The following CTNNA2 variants were observed in gnomAD, a reference collection of about 807,000 sequenced individuals.
CTNNA2 encodes catenin alpha-2.
Under a neutral mutation model 101.0 loss-of-function variants are expected in CTNNA2, and 42 were observed. The observed-to-expected ratio is 0.42, with a 90% CI of 0.32 to 0.54. The LOEUF is 0.54. Ranked by LOEUF, CTNNA2 falls within the 20% of genes least tolerant of loss-of-function variation. The pLI is 0.14. For synonymous variants in CTNNA2, 450 were observed against 456.4 expected, an observed-to-expected ratio of 0.99 and a Z score of 0.18; for missense variants, 871 against 1,223.1, an observed-to-expected ratio of 0.71 and a Z score of 4.29.
intron 2 of CTNNA2, among the ~76,000 whole-genome samples, chr2:79,689,643 C>A (rs77380030): frequency 6.6e-6 from 1 of 151,410 alleles, no homozygotes; most frequent in Non-Finnish European, 1.5e-5. Context: ...AAAAAGCAAA[C>A]CACAAAAGAT....
chr2:79,458,616 TAAC>T, intron 4 of CTNNA2, among the ~76,000 whole-genome samples: 1 of 152,314 alleles, frequency 6.6e-6, no homozygotes, highest in Admixed American at 6.5e-5. Context: ...TCTCTGTACT[TAAC>T]AAGGTGAAGA....
intron 4 of CTNNA2, among the ~76,000 whole-genome samples, chr2:79,485,111 G>C (rs1051353719): frequency 4.0e-5 from 6 of 151,862 alleles, no homozygotes; most frequent in Non-Finnish European, 8.8e-5. Flanking sequence ...CAGACCAAAT[G>C]GTTAATGGTT....
chr2:79,543,351 T>C (rs899406686), intron 1 of CTNNA2, among the ~76,000 whole-genome samples: 2 of 152,174 alleles, frequency 1.3e-5, no homozygotes, highest in African/African-American at 4.8e-5. Flanking sequence ...AAATGTGAAA[T>C]CAAGTTATTA....
intron 2 of CTNNA2, among the ~76,000 whole-genome samples, chr2:79,300,333 C>A (rs571041546): frequency 1.3e-5 from 2 of 152,256 alleles, no homozygotes; most frequent in East Asian, 1.9e-4. Context: ...TCCTCCATTT[C>A]TTTTCATGGC....
At chr2:80,012,880 C>G (rs1477279774) in intron 7 of CTNNA2, among the ~76,000 whole-genome samples, 1 of 152,160 alleles carries the variant, frequency 6.6e-6, no homozygotes, top group Non-Finnish European at 1.5e-5. Context: ...TTAAAACATT[C>G]TCGACGAGGC....
chr2:80,611,071 A>G (rs1698431327), intron 17 of CTNNA2, among the ~76,000 whole-genome samples: 2 of 151,542 alleles, frequency 1.3e-5, no homozygotes, highest in Non-Finnish European at 1.5e-5. Flanking sequence ...TTAAATCTCA[A>G]AGTAGAAAAT....
At chr2:80,014,365 T>C (rs1693991696) in intron 7 of CTNNA2, among the ~76,000 whole-genome samples, 1 of 148,474 alleles carries the variant, frequency 6.7e-6, no homozygotes, top group Non-Finnish European at 1.5e-5. Flanking sequence ...AGAAGTTTCA[T>C]GAAAAAGTGT....
At chr2:80,043,121 CCTTCCTTCCTT>C (rs1558755325) in intron 7 of CTNNA2, among the ~76,000 whole-genome samples, 5 of 16,964 alleles carry the variant, frequency 2.9e-4, no homozygotes, top group Non-Finnish European at 2.4e-4. Flanking sequence ...CTTTCTTTCT[CCTTCCTTCCTT>C]CCTTCCTTCC....
intron 3 of CTNNA2, among the ~76,000 whole-genome samples, chr2:79,792,635 G>T (rs1184304255): frequency 6.6e-6 from 1 of 152,106 alleles, no homozygotes; most frequent in East Asian, 1.9e-4. Context: ...AGCTTGTGAA[G>T]TTTGGAAATA....
intron 7 of CTNNA2, among the ~76,000 whole-genome samples, chr2:79,913,457 G>T (rs1270296976): frequency 1.3e-5 from 2 of 152,124 alleles, no homozygotes; most frequent in Non-Finnish European, 2.9e-5. Context: ...AGGGTGTGGT[G>T]AACCATTATA....
At chr2:80,522,414 A>G (rs1388902505) in intron 9 of CTNNA2, among the ~76,000 whole-genome samples, 1 of 152,230 alleles carries the variant, frequency 6.6e-6, no homozygotes, top group East Asian at 1.9e-4. Flanking sequence ...TTTAATTTCA[A>G]TAATTAGAAT....
intron 7 of CTNNA2, among the ~76,000 whole-genome samples, chr2:80,373,525 G>A (rs572954858): frequency 3.3e-5 from 5 of 152,144 alleles, no homozygotes; most frequent in East Asian, 1.9e-4. Flanking sequence ...GAATTAAACC[G>A]TGAGAGAGCA....
chr2:79,355,295 G>T (rs1677484220), intron 3 of CTNNA2, among the ~76,000 whole-genome samples: 1 of 152,080 alleles, frequency 6.6e-6, no homozygotes. Context: ...GGAATACATT[G>T]AATATGTAGC....
At chr2:80,606,788 C>T (rs989876757) in intron 16 of CTNNA2, among the ~76,000 whole-genome samples, 28 of 151,834 alleles carry the variant, frequency 1.8e-4, no homozygotes, top group African/African-American at 5.8e-4. Flanking sequence ...AAACTTTTTA[C>T]GGACTGTTGC....
At chr2:80,327,172 C>T (rs1201175277) in intron 7 of CTNNA2, among the ~76,000 whole-genome samples, 1 of 152,186 alleles carries the variant, frequency 6.6e-6, no homozygotes. Context: ...AAAAGAATAG[C>T]TGCTACTCTT....
chr2:79,483,252 T>A (rs1671126845), intron 4 of CTNNA2, among the ~76,000 whole-genome samples: 1 of 152,192 alleles, frequency 6.6e-6, no homozygotes, highest in African/African-American at 2.4e-5. Flanking sequence ...CATCTCCCCA[T>A]CTACATTTCA....
chr2:80,231,134 G>T (rs965679632), intron 7 of CTNNA2, among the ~76,000 whole-genome samples: 4 of 151,964 alleles, frequency 2.6e-5, no homozygotes, highest in Admixed American at 2.0e-4. Flanking sequence ...ACCATCCCCC[G>T]CTAATTTTTT....
intron 18 of CTNNA2, among the ~76,000 whole-genome samples, chr2:80,626,571 T>C (rs769739035): frequency 4.6e-5 from 7 of 152,042 alleles, no homozygotes; most frequent in Non-Finnish European, 1.0e-4. Flanking sequence ...CTGATTAAGA[T>C]TGAGATGCCA....
intron 9 of CTNNA2, among the ~76,000 whole-genome samples, chr2:80,514,209 C>T (rs918346830): frequency 2.0e-5 from 3 of 152,126 alleles, no homozygotes; most frequent in African/African-American, 7.2e-5. Flanking sequence ...CGTGCTCAAC[C>T]TCTTGAAGGA....
Sources: gnomAD v4.1 joint callset for allele counts (sites outside exome capture counted in the v4.1 genomes callset) on GRCh38, gnomAD v4.1.1 for gene constraint, MANE v1.5 for transcripts, NCBI Gene and HGNC (gene_info 2026-07-23, HGNC 2026-07-21) for gene names.